The following TG variants were observed in gnomAD, a reference collection of about 807,000 sequenced individuals.
The protein encoded by TG is thyroglobulin.
A neutral mutation model predicts 324.7 loss-of-function variants in TG; 270 were observed. The observed-to-expected ratio is 0.83, with a 90% confidence interval of 0.75 to 0.92. The LOEUF is 0.92. TG is among the 40% of genes least tolerant of loss of function. The probability of loss-of-function intolerance (pLI) is 0.00; values close to 1 mark genes in which losing one functional copy is unlikely to be tolerated. For missense variants in TG, 3,591 were observed against 3,456.4 expected (o/e 1.04, Z -0.98); for synonymous variants, 1,401 against 1,327.0 (o/e 1.06, Z -1.21).
intron 5 of TG, among the ~76,000 whole-genome samples, chr8:132,874,944 A>C (rs576930360): frequency 1.3e-5 from 2 of 152,016 alleles, no homozygotes; most frequent in African/African-American, 4.8e-5. Flanking sequence ...TGCCTACCTC[A>C]TCCATTTATA....
At chr8:133,111,080 T>A (rs1850211853) in intron 43 of TG, among the ~76,000 whole-genome samples, 2 of 152,324 alleles carry the variant, frequency 1.3e-5, no homozygotes, top group South Asian at 4.1e-4. Context: ...GAACCCTAAG[T>A]TTTGACTCCA....
Position 132,871,411 on chromosome 8 carries a change from A to C in TG, c.338A>C (p.Asp113Ala). The change falls in exon 4 of 48, where the codon GAC becomes GCC. Residue 113 changes from aspartate (D) to alanine (A), a missense_variant. Coordinates refer to ENST00000220616, the MANE Select transcript of TG (RefSeq NM_003235.5). Reference protein sequence around the residue: ...ILLSGYINSTDTSYLPQCQDS... With the variant: ...ILLSGYINSTATSYLPQCQDS... ...CTGAGTGGCTACATTAACAGCACAGACACCTCCTACCTCCCTCAGTGTCAG... is the reference window on the plus strand; with the variant it reads ...CTGAGTGGCTACATTAACAGCACAGCCACCTCCTACCTCCCTCAGTGTCAG... 6.2e-7 allele frequency: 1 copy of C among 1,614,126 alleles called. No homozygotes were observed. Among genetic ancestry groups the C allele is most frequent in the East Asian group, 2.2e-5 (1 of 44,878 alleles).
At chr8:132,937,781 C>T (rs1823823615) in intron 25 of TG, among the ~76,000 whole-genome samples, 1 of 151,534 alleles carries the variant, frequency 6.6e-6, no homozygotes, top group East Asian at 1.9e-4. Context: ...TTCAACATCA[C>T]ACAGAAAGTC....
intron 21 of TG, among the ~76,000 whole-genome samples, chr8:132,920,079 A>C (rs932300586): frequency 1.3e-5 from 2 of 152,224 alleles, no homozygotes; most frequent in Non-Finnish European, 2.9e-5. Flanking sequence ...TATCAGATTG[A>C]AAAATGGAAG....
chr8:132,982,337 G>C (rs962393160), intron 34 of TG, among the ~76,000 whole-genome samples: 12 of 152,224 alleles, frequency 7.9e-5, no homozygotes, highest in Non-Finnish European at 1.5e-5. Flanking sequence ...TGAGCAAGGA[G>C]ATCCCATGTA....
Position 132,886,962 on chromosome 8 carries a change from T to C in TG, c.1590T>C (p.Ser530=). 1 of 1,614,188 alleles carries C rather than the reference T, an allele frequency of 6.2e-7. No homozygotes were observed. The highest frequency in any genetic ancestry group is 8.5e-7 in the Non-Finnish European group (1 of 1,180,044). ...KPLSVGLDSN[S]STGTPEAAKK... ...TCTCTGTGGGATTAGATTCAAATTCTTCCACAGGAACCCCTGAAGCTGCTA... is the reference window on the plus strand; with the variant it reads ...TCTCTGTGGGATTAGATTCAAATTCCTCCACAGGAACCCCTGAAGCTGCTA... The change falls in exon 9 of 48, where the codon TCT becomes TCC. Residue 530 remains serine (S), a synonymous_variant. Transcript: ENST00000220616.
At chr8:132,871,670 G>A (rs917238086) in intron 4 of TG, 119 bp downstream of exon 4, 13 of 966,584 alleles carry the variant, frequency 1.3e-5, no homozygotes, top group African/African-American at 3.3e-5. Flanking sequence ...GCCCTCATTA[G>A]GGAAAATGAA....
rs371133490 is a variant in TG, at chr8:132,901,456, G to T, written c.3537G>T (p.Val1179=). Residue 1179 remains valine, a synonymous_variant, in exon 16 of 48, where the codon GTG becomes GTT. Coordinates refer to ENST00000220616, the MANE Select transcript of TG (RefSeq NM_003235.5). ...CRAEDGGFSP[V]QCDQAQGSCW... The stretch of plus-strand genomic sequence containing the variant: ...CAGAGGATGGGGGCTTTTCCCCAGT[G>T]CAATGTGACCAGGCCCAGGGCAGCT... 1 of 1,614,120 alleles carries T rather than the reference G, an allele frequency of 6.2e-7. No homozygotes were observed. The highest frequency in any genetic ancestry group is 8.5e-7 in the Non-Finnish European group (1 of 1,180,058).
chr8:133,086,149 G>A (rs1273177272), intron 41 of TG, among the ~76,000 whole-genome samples: 1 of 152,198 alleles, frequency 6.6e-6, no homozygotes, highest in African/African-American at 2.4e-5. Flanking sequence ...GTCCAGAATA[G>A]GTAACTCTAC....
intron 41 of TG, chr8:133,038,552 A>C: frequency 6.2e-7 from 1 of 1,613,810 alleles, no homozygotes; most frequent in Non-Finnish European, 8.5e-7. Context: ...TGGTGATGAG[A>C]AGAATGAGCT....
intron 41 of TG, among the ~76,000 whole-genome samples, chr8:133,079,418 G>A (rs1231307635): frequency 1.3e-5 from 2 of 152,162 alleles, no homozygotes; most frequent in South Asian, 2.1e-4. Context: ...GTTCCCCTAT[G>A]TAAAAACTAG....
chr8:132,962,871 A>G (rs1333423885), intron 28 of TG, 123 bp from the exon 29 acceptor site: 1 of 849,500 alleles, frequency 1.2e-6, no homozygotes, highest in Admixed American at 1.7e-5. Flanking sequence ...TCTGTTGCAG[A>G]TCTTCTCTAA....
chr8:133,097,145 A>C (rs1848546692), intron 43 of TG, among the ~76,000 whole-genome samples: 1 of 152,214 alleles, frequency 6.6e-6, no homozygotes, highest in Non-Finnish European at 1.5e-5. Flanking sequence ...CTTCCCCTGC[A>C]CATGCATGAC....
At chr8:133,056,924 A>G (rs1314287826) in intron 41 of TG, among the ~76,000 whole-genome samples, 1 of 152,144 alleles carries the variant, frequency 6.6e-6, no homozygotes, top group Non-Finnish European at 1.5e-5. Context: ...GCTACCTTCC[A>G]CCATCCCCAG....
Position 132,886,645 on chromosome 8 carries a change from A to G in TG, c.1273A>G (p.Met425Val), listed in dbSNP as rs759846480. The change falls in exon 9 of 48, where the codon ATG (methionine) becomes GTG (valine). Residue 425 changes from methionine to valine, a missense_variant. Physicochemically the swap from Met to Val is conservative, Grantham distance 21. Coordinates refer to ENST00000220616, the MANE Select transcript of TG (RefSeq NM_003235.5). ...LFVDSGLLRP[M>V]VEGQSQQFSV... ...TGTGGACTCTGGGCTTCTCCGCCCA[A>G]TGGTGGAGGGACAGAGCCAACAGTT... The G allele has an allele frequency of 4.8e-5, 77 of 1,614,076 alleles. No homozygotes were observed. In the Admixed American group the frequency reaches 6.7e-4, roughly 14 times the overall value.
intron 24 of TG, 115 bp from the exon 25 acceptor site, chr8:132,935,641 A>G: frequency 1.1e-6 from 1 of 895,790 alleles, no homozygotes; most frequent in Non-Finnish European, 1.8e-6. Context: ...GACCAGGAGC[A>G]ACTAACTTAC....
chr8:132,988,623 CTT>C (rs1831914201), intron 35 of TG: 1 of 827,958 alleles, frequency 1.2e-6, no homozygotes, highest in Non-Finnish European at 1.5e-6. Context: ...GTTGTACTCT[CTT>C]TGGATAAAAA....
intron 41 of TG, among the ~76,000 whole-genome samples, chr8:133,042,899 G>A (rs1838582904): frequency 6.6e-6 from 1 of 151,502 alleles, no homozygotes; most frequent in African/African-American, 2.4e-5. Context: ...TCACCATGTT[G>A]GTCAGACTAG....
intron 39 of TG, among the ~76,000 whole-genome samples, chr8:133,021,500 A>G (rs932924273): frequency 6.6e-6 from 1 of 152,194 alleles, no homozygotes; most frequent in African/African-American, 2.4e-5. Context: ...TTCTCTATGA[A>G]TGGGGTTTAA....
Sources: gnomAD v4.1 joint callset for allele counts (sites outside exome capture counted in the v4.1 genomes callset) on GRCh38, gnomAD v4.1.1 for gene constraint, MANE v1.5 for transcripts, NCBI Gene and HGNC (gene_info 2026-07-23, HGNC 2026-07-21) for gene names.